The following RP1 variants were observed in gnomAD, a reference collection of about 807,000 sequenced individuals.
RP1 encodes the protein RP1 axonemal microtubule associated, also known as oxygen-regulated protein 1.
Under a neutral mutation model 14.8 loss-of-function variants are expected in RP1, and 16 were observed. That is an observed-to-expected ratio of 1.08 (90% CI 0.73 to 1.65). The LOEUF (loss-of-function observed/expected upper bound fraction) is 1.65, where lower values mean the gene tolerates loss of function less well. Ranked by LOEUF, RP1 falls within the 40% of genes most tolerant of loss-of-function variation. The probability of loss-of-function intolerance (pLI) is 0.00; values close to 1 mark genes in which losing one functional copy is unlikely to be tolerated. For missense variants in RP1, 2,631 were observed against 2,535.0 expected (o/e 1.04, Z -0.81); for synonymous variants, 876 against 883.6 (o/e 0.99, Z 0.15).
chr8:54,576,048 T>C (rs1804633914), intron 1 of RP1, among the ~76,000 whole-genome samples: 1 of 151,302 alleles, frequency 6.6e-6, no homozygotes, highest in Admixed American at 6.6e-5. Flanking sequence ...AGACTCTTTT[T>C]TTTTTTTTTT....
intron 12 of RP1, among the ~76,000 whole-genome samples, chr8:54,693,245 G>A (rs1228849910): frequency 6.6e-6 from 1 of 151,932 alleles, no homozygotes; most frequent in Admixed American, 6.6e-5. Context: ...TTGAAGTCAG[G>A]TAGTGTGATG....
At chr8:54,842,908 T>C (rs1383778586) in intron 25 of RP1, among the ~76,000 whole-genome samples, 3 of 152,186 alleles carry the variant, frequency 2.0e-5, no homozygotes, top group African/African-American at 7.2e-5. Flanking sequence ...CCCAGGCCTC[T>C]GCATGGTCAG....
Position 54,622,295 on chromosome 8 carries a change from C to A in RP1, c.787+7C>A, listed in dbSNP as rs1246514122. ...AAGTCAGAAAGCAGAAAGAGTAAGT[C>A]ACTTATTAATATATAGCCCATATTT... On this transcript the variant is annotated splice_region_variant and intron_variant, in intron 3 of 3. Transcript: ENST00000220676. The A allele has an allele frequency of 1.2e-6, 2 of 1,613,478 alleles. No individual in the cohort carries two copies.
In RP1 at chr8:54,726,420, A is replaced by C. The variant is rs554827071; in HGVS notation, c.2465A>C (p.Gln822Pro). The stretch of plus-strand genomic sequence containing the variant: ...GAAAAGATCCATGAGTCAAAAAAAC[A>C]GAAAAAAATACCCCCAGAATCTGAG... Residue 822 changes from glutamine (Q) to proline (P), a missense_variant, in exon 17 of 23, where the codon CAG (glutamine) becomes CCG (proline). Gln to Pro is a moderately conservative substitution (Grantham distance 76). Transcript: ENST00000636932. 16 of 1,534,336 alleles carry C rather than the reference A, an allele frequency of 1.0e-5. No individual in the cohort carries two copies. In the South Asian group the frequency reaches 1.9e-4, roughly 18 times the overall value.
At chr8:54,779,293 G>C (rs1316276140) in intron 23 of RP1, among the ~76,000 whole-genome samples, 1 of 152,130 alleles carries the variant, frequency 6.6e-6, no homozygotes, top group Non-Finnish European at 1.5e-5. Context: ...CACGTTTGCT[G>C]TCCAATGAGG....
At chr8:54,679,940 C>T (rs1807388423) in intron 12 of RP1, 2 of 1,535,620 alleles carry the variant, frequency 1.3e-6, no homozygotes, top group East Asian at 2.4e-5. Context: ...TATGGTAAAA[C>T]TATCGTACAA....
intron 15 of RP1, among the ~76,000 whole-genome samples, chr8:54,715,210 G>C (rs1025993600): frequency 5.3e-5 from 8 of 152,346 alleles, no homozygotes; most frequent in African/African-American, 1.7e-4. Context: ...TGTTATGGTA[G>C]CTTGCAGTGG....
At chr8:54,605,436 G>T (rs1805409104) in intron 1 of RP1, among the ~76,000 whole-genome samples, 1 of 152,140 alleles carries the variant, frequency 6.6e-6, no homozygotes, top group Non-Finnish European at 1.5e-5. Flanking sequence ...TTTTACATTT[G>T]CTGAGAAGTG....
chr8:54,779,550 A>C (rs1810130987), intron 23 of RP1, among the ~76,000 whole-genome samples: 1 of 152,232 alleles, frequency 6.6e-6, no homozygotes, highest in South Asian at 2.1e-4. Flanking sequence ...AGTCAAATGC[A>C]TGTAACCCTG....
At position 54,621,552 on chromosome 8, in the gene RP1, G is replaced by A; in HGVS notation, c.586G>A (p.Val196Ile). Residue 196 changes from valine (V) to isoleucine (I), a missense_variant, in exon 2 of 4, where the codon GTC becomes ATC. Physicochemically the swap from Val to Ile is conservative, Grantham distance 29. Transcript: ENST00000220676. ...GACAGAGGTCATGCAGCGCCCTGTGGTCAAGCTGTACGCTACGGACGGAAG... is the reference window on the plus strand; with the variant it reads ...GACAGAGGTCATGCAGCGCCCTGTGATCAAGCTGTACGCTACGGACGGAAG... ...HLTEVMQRPV[V>I]KLYATDGRRV... The A allele has an allele frequency of 6.2e-7, 1 of 1,614,208 alleles. No individual in the cohort carries two copies. The highest frequency in any genetic ancestry group is 8.5e-7 in the Non-Finnish European group (1 of 1,180,034).
At chr8:54,636,847 G>A (rs149087503) in intron 3 of RP1, among the ~76,000 whole-genome samples, 1 of 152,318 alleles carries the variant, frequency 6.6e-6, no homozygotes, top group African/African-American at 2.4e-5. Flanking sequence ...AAATGACATT[G>A]GAGTTTGTTT....
intron 22 of RP1, among the ~76,000 whole-genome samples, chr8:54,759,850 G>T (rs1401247661): frequency 6.6e-6 from 1 of 152,120 alleles, no homozygotes; most frequent in Non-Finnish European, 1.5e-5. Flanking sequence ...TCTGTTGTGG[G>T]CATGGGAATG....
chr8:54,624,756 T>C lies in RP1; in HGVS notation c.874T>C (p.Tyr292His). 1.2e-6 allele frequency: 2 copies of C among 1,613,952 alleles called. No homozygotes were observed. Among genetic ancestry groups the C allele is most frequent in the Non-Finnish European group, 1.7e-6 (2 of 1,179,870 alleles). ...ACATAATAATGATTGCTACTTAGAC[T>C]ATTCTTTTGTTCCTGAAAAGTACTT... The part of the protein sequence containing the change: ...KTHNNDCYLD[Y>H]SFVPEKYLAL... Residue 292 changes from tyrosine (Y) to histidine (H), a missense_variant, in exon 4 of 4, where the codon TAT becomes CAT. By Grantham distance (83) the Tyr-to-His change is moderately conservative. Coordinates refer to ENST00000220676, the MANE Select transcript of RP1 (RefSeq NM_006269.2).
At chr8:54,797,724 C>T (rs1288718284) in intron 24 of RP1, among the ~76,000 whole-genome samples, 2 of 151,980 alleles carry the variant, frequency 1.3e-5, no homozygotes, top group African/African-American at 4.8e-5. Context: ...AAGAAAACTT[C>T]GTGTCTTTTC....
At chr8:54,814,533 G>A (rs1030386473) in intron 24 of RP1, among the ~76,000 whole-genome samples, 4 of 152,170 alleles carry the variant, frequency 2.6e-5, no homozygotes, top group African/African-American at 9.7e-5. Flanking sequence ...TCACTGATTA[G>A]ACTCTGTACA....
chr8:54,761,534 C>T (rs1809641218), intron 22 of RP1, among the ~76,000 whole-genome samples: 1 of 152,148 alleles, frequency 6.6e-6, no homozygotes, highest in African/African-American at 2.4e-5. Flanking sequence ...CCGCACCTGG[C>T]CCCTGCACTA....
At chr8:54,680,039 G>C (rs1563345689) in intron 12 of RP1, 12 of 1,389,960 alleles carry the variant, frequency 8.6e-6, no homozygotes, top group Non-Finnish European at 1.0e-5. Flanking sequence ...TTTACAGATG[G>C]CTTTACACAA....
At chr8:54,740,847 C>T (rs1284138229) in intron 19 of RP1, among the ~76,000 whole-genome samples, 1 of 151,988 alleles carries the variant, frequency 6.6e-6, no homozygotes, top group Non-Finnish European at 1.5e-5. Context: ...GAGTTGGAGA[C>T]CAGCCTGGCT....
Position 54,599,145 on chromosome 8 carries a change from T to A in RP1, c.-12-21810T>A, listed in dbSNP as rs189957443. Among the ~76,000 whole-genome samples the A allele has an allele frequency of 2.0e-5, 3 of 152,332 alleles. No individual in the cohort carries two copies. The East Asian group carries it at 5.8e-4, about 29-fold the overall frequency. On this transcript the variant is annotated intron_variant, in intron 1 of 22. Coordinates refer to the RP1 transcript ENST00000636932. Reference sequence around the variant, plus strand: ...TGTTCAATTTTTTTTTCAATCTATTTTCTCTCTGTTGTTCAGATTGGGTAA... The same window carrying A: ...TGTTCAATTTTTTTTTCAATCTATTATCTCTCTGTTGTTCAGATTGGGTAA...
Sources: gnomAD v4.1 joint callset for allele counts (sites outside exome capture counted in the v4.1 genomes callset) on GRCh38, gnomAD v4.1.1 for gene constraint, MANE v1.5 for transcripts, NCBI Gene and HGNC (gene_info 2026-07-23, HGNC 2026-07-21) for gene names.